Variants in CLASP1 observed in about 807,000 individuals in gnomAD.
The protein encoded by CLASP1 is cytoplasmic linker associated protein 1.
CLASP1 carries 38 observed loss-of-function variants against 192.3 expected under a neutral mutation model. That is an observed-to-expected ratio of 0.20 (90% CI 0.15 to 0.26). The LOEUF (loss-of-function observed/expected upper bound fraction) is 0.26. CLASP1 is among the 10% of genes least tolerant of loss of function. The pLI, the probability that CLASP1 is intolerant of heterozygous loss-of-function variation, is 1.00. For missense variants in CLASP1, 1,433 were observed against 1,932.5 expected (o/e 0.74, Z 4.85); for synonymous variants, 691 against 712.8 (o/e 0.97, Z 0.49).
chr2:121,373,116 G>A (rs1490533185), intron 34 of CLASP1, among the ~76,000 whole-genome samples: 2 of 152,196 alleles, frequency 1.3e-5, no homozygotes, highest in Non-Finnish European at 2.9e-5. Flanking sequence ...GAACCTGGTG[G>A]GAGGTAATTC....
intron 8 of CLASP1, among the ~76,000 whole-genome samples, chr2:121,482,311 C>T (rs1056344885): frequency 2.0e-5 from 3 of 152,042 alleles, no homozygotes; most frequent in Admixed American, 1.3e-4. Flanking sequence ...GTGTGCCCAT[C>T]GGGACACTAG....
At position 121,420,414 on chromosome 2, in the gene CLASP1, T is replaced by A. The variant is rs991104229; in HGVS notation, c.2213-1685A>T. Among the ~76,000 whole-genome samples, 3 of 152,206 alleles carry A rather than the reference T, an allele frequency of 2.0e-5. No individual in the cohort carries two copies. The South Asian group carries it at 6.2e-4, about 31-fold the overall frequency. ...ACCAATACGGACAACTTTCCTAGAATGTACACAGCAATACCACTCATCCTT... is the reference window on the plus strand; with the variant it reads ...ACCAATACGGACAACTTTCCTAGAAAGTACACAGCAATACCACTCATCCTT... On this transcript the variant is annotated intron_variant, in intron 22 of 39. Coordinates refer to ENST00000263710, the Ensembl canonical transcript of CLASP1.
At chr2:121,525,283 C>G (rs1473277678) in intron 6 of CLASP1, among the ~76,000 whole-genome samples, 1 of 152,144 alleles carries the variant, frequency 6.6e-6, no homozygotes, top group Non-Finnish European at 1.5e-5. Context: ...GGTGAGACAG[C>G]CAGCTCCTCT....
intron 2 of CLASP1, among the ~76,000 whole-genome samples, chr2:121,560,687 A>G (rs1289318317): frequency 6.6e-6 from 1 of 152,174 alleles, no homozygotes; most frequent in Non-Finnish European, 1.5e-5. Context: ...GTTACTGACA[A>G]TCCTTGAAGT....
chr2:121,438,054 T>C (rs1279558364), intron 19 of CLASP1, among the ~76,000 whole-genome samples: 1 of 152,270 alleles, frequency 6.6e-6, no homozygotes. Flanking sequence ...ATTCTGTTTT[T>C]ATTCTTTTTC....
intron 8 of CLASP1, among the ~76,000 whole-genome samples, chr2:121,500,344 A>AAAAGAAAGAAAGAAAGAAAGAAAGAAAG (rs201022141): frequency 8.4e-6 from 1 of 119,212 alleles, no homozygotes; most frequent in African/African-American, 3.2e-5. Flanking sequence ...GAAAGAAAGA[A>AAAAGAAAGAAAGAAAGAAAGAAAGAAAG]AAAGAAAGAA....
chr2:121,565,094 C>T (rs953694423), intron 2 of CLASP1, among the ~76,000 whole-genome samples: 3 of 152,184 alleles, frequency 2.0e-5, no homozygotes, highest in Non-Finnish European at 4.4e-5. Context: ...ATATTTGCCT[C>T]CCACCACTAG....
chr2:121,394,325 T>C (rs1005000057), intron 30 of CLASP1, among the ~76,000 whole-genome samples: 2 of 152,246 alleles, frequency 1.3e-5, no homozygotes, highest in South Asian at 2.1e-4. Context: ...AGAGAGATTC[T>C]ATGGCTGGTT....
chr2:121,410,421 T>C (rs2077529598), intron 24 of CLASP1, among the ~76,000 whole-genome samples: 1 of 151,942 alleles, frequency 6.6e-6, no homozygotes, highest in African/African-American at 2.4e-5. Flanking sequence ...ATAGAATAAA[T>C]GCAAGATTTT....
intron 14 of CLASP1, among the ~76,000 whole-genome samples, chr2:121,453,308 T>G (rs2085930546): frequency 6.6e-6 from 1 of 152,012 alleles, no homozygotes; most frequent in Non-Finnish European, 1.5e-5. Flanking sequence ...AATAAATAAA[T>G]AAAAATAATT....
At chr2:121,588,794 G>A (rs2062026507) in intron 2 of CLASP1, among the ~76,000 whole-genome samples, 1 of 152,146 alleles carries the variant, frequency 6.6e-6, no homozygotes, top group African/African-American at 2.4e-5. Context: ...GATTCCCCCA[G>A]TGGTCACACA....
At chr2:121,618,221 T>C (rs2066768529) in intron 1 of CLASP1, among the ~76,000 whole-genome samples, 1 of 152,244 alleles carries the variant, frequency 6.6e-6, no homozygotes, top group Non-Finnish European at 1.5e-5. Context: ...CTATAATGCC[T>C]GTTGCAAACA....
At chr2:121,536,022 C>A (rs1384756950) in intron 2 of CLASP1, among the ~76,000 whole-genome samples, 7 of 151,746 alleles carry the variant, frequency 4.6e-5, no homozygotes, top group African/African-American at 1.7e-4. Flanking sequence ...AACTGGAACT[C>A]TTGTATACTG....
chr2:121,544,724 A>G (rs969356864), intron 2 of CLASP1, among the ~76,000 whole-genome samples: 3 of 151,710 alleles, frequency 2.0e-5, no homozygotes, highest in Non-Finnish European at 3.0e-5. Context: ...TCCATTCCAT[A>G]CAAAAAGAAC....
chr2:121,341,645 T>C (rs2062800768), intron 39 of CLASP1, among the ~76,000 whole-genome samples: 1 of 152,142 alleles, frequency 6.6e-6, no homozygotes, highest in Non-Finnish European at 1.5e-5. Flanking sequence ...TATACTAATA[T>C]CAGACAAAAC....
At chr2:121,624,730 T>G (rs1194088126) in intron 1 of CLASP1, among the ~76,000 whole-genome samples, 1 of 152,182 alleles carries the variant, frequency 6.6e-6, no homozygotes, top group African/African-American at 2.4e-5. Context: ...GGTTTTTCTG[T>G]TTTGTTTTGT....
chr2:121,444,852 G>A (rs1270215866), intron 19 of CLASP1: 2 of 818,752 alleles, frequency 2.4e-6, no homozygotes, highest in Middle Eastern at 5.3e-4. Flanking sequence ...ACCTTGGTGA[G>A]GACAAGTGGG....
At chr2:121,610,322 AG>A (rs1196919913) in intron 1 of CLASP1, among the ~76,000 whole-genome samples, 1 of 151,360 alleles carries the variant, frequency 6.6e-6, no homozygotes, top group East Asian at 1.9e-4. Flanking sequence ...GAACTGGAGG[AG>A]GAGGAGTTAT....
intron 1 of CLASP1, among the ~76,000 whole-genome samples, chr2:121,632,957 C>G (rs1240333192): frequency 7.2e-6 from 1 of 138,878 alleles, no homozygotes; most frequent in Non-Finnish European, 1.5e-5. Flanking sequence ...TGTACAAAAA[C>G]AGAGGGAGGT....
Sources: gnomAD v4.1 joint callset for allele counts (sites outside exome capture counted in the v4.1 genomes callset) on GRCh38, gnomAD v4.1.1 for gene constraint, MANE v1.5 for transcripts, NCBI Gene and HGNC (gene_info 2026-07-23, HGNC 2026-07-21) for gene names.